Variants in PCDHGA4 observed in about 807,000 individuals in gnomAD.
PCDHGA4 encodes the protein protocadherin gamma-A4.
Under a neutral mutation model 54.6 loss-of-function variants are expected in PCDHGA4, and 38 were observed. That is an observed-to-expected ratio of 0.70 (90% CI 0.54 to 0.91). The LOEUF (loss-of-function observed/expected upper bound fraction) is 0.91. Among genes scored for constraint, PCDHGA4 ranks in the 40% least tolerant of loss-of-function variants. The pLI, the probability that PCDHGA4 is intolerant of heterozygous loss-of-function variation, is 0.00. For missense variants in PCDHGA4, 1,298 were observed against 1,220.9 expected, an observed-to-expected ratio of 1.06 and a Z score of -0.94; for synonymous variants, 511 against 512.9, an observed-to-expected ratio of 1.00 and a Z score of 0.05.
At chr5:141,366,602 TCCCTCACCGCGGA>T in intron 1 of PCDHGA4, 1 of 1,614,226 alleles carries the variant, frequency 6.2e-7, no homozygotes, top group Admixed American at 1.7e-5. Flanking sequence ...CCACGAGGTC[TCCCTCACCGCGGA>T]CTCGAGGAAG....
chr5:141,446,634 G>A (rs927873152), intron 1 of PCDHGA4, among the ~76,000 whole-genome samples: 6 of 151,928 alleles, frequency 3.9e-5, no homozygotes, highest in Admixed American at 2.6e-4. Context: ...GCACCACCAC[G>A]CCTGGCTAAT....
intron 1 of PCDHGA4, among the ~76,000 whole-genome samples, chr5:141,406,983 A>G (rs997882236): frequency 6.6e-6 from 1 of 152,250 alleles, no homozygotes; most frequent in Non-Finnish European, 1.5e-5. Context: ...AACATTTCAC[A>G]AGACATTTGA....
chr5:141,382,310 C>T (rs1423976376), intron 1 of PCDHGA4, among the ~76,000 whole-genome samples: 1 of 152,178 alleles, frequency 6.6e-6, no homozygotes, highest in African/African-American at 2.4e-5. Flanking sequence ...AATTTATATA[C>T]ACTGATGTAA....
At chr5:141,488,565 C>T (rs1308485284) in intron 1 of PCDHGA4, among the ~76,000 whole-genome samples, 1 of 152,174 alleles carries the variant, frequency 6.6e-6, no homozygotes, top group Non-Finnish European at 1.5e-5. Flanking sequence ...GAGATTTCCG[C>T]AAAGCATTGC....
intron 1 of PCDHGA4, chr5:141,393,977 T>TA: frequency 6.2e-7 from 1 of 1,613,870 alleles, no homozygotes; most frequent in Non-Finnish European, 8.5e-7. Flanking sequence ...ACACACGTGA[T>TA]AATTTACCTT....
At chr5:141,502,093 G>C (rs1037154464) in intron 2 of PCDHGA4, among the ~76,000 whole-genome samples, 27 of 152,112 alleles carry the variant, frequency 1.8e-4, no homozygotes, top group Admixed American at 1.7e-3. Flanking sequence ...AGAACACCTG[G>C]CCTTGACCCT....
chr5:141,388,892 A>G (rs1370408221), intron 1 of PCDHGA4: 1 of 1,613,996 alleles, frequency 6.2e-7, no homozygotes, highest in Non-Finnish European at 8.5e-7. Context: ...TAGAAGTCAT[A>G]GATGAAAATG....
intron 1 of PCDHGA4, chr5:141,377,893 TC>T (rs1774447878): frequency 6.6e-6 from 1 of 152,178 alleles, no homozygotes; most frequent in Admixed American, 6.5e-5. Flanking sequence ...AGGATCCCCC[TC>T]TGTTGCCCAG....
chr5:141,484,002 A>T, intron 1 of PCDHGA4, among the ~76,000 whole-genome samples: 1 of 25,484 alleles, frequency 3.9e-5, no homozygotes, highest in African/African-American at 1.7e-4. Context: ...GGAGGTCTGG[A>T]TGAGGGTGGG....
At chr5:141,508,096 G>A (rs1489615862) in intron 3 of PCDHGA4, 1 of 152,476 alleles carries the variant, frequency 6.6e-6, no homozygotes, top group African/African-American at 2.4e-5. Context: ...CCTTGGCCCT[G>A]GGATGGGGTA....
rs1399844519 is a variant in PCDHGA4 at position 141,477,484 on chromosome 5, A to G, written c.2515-17323A>G. 1.2e-6 allele frequency: 2 copies of G among 1,614,014 alleles called. No homozygotes were observed. The highest frequency in any genetic ancestry group is 1.7e-6 in the Non-Finnish European group (2 of 1,180,006). ...CCGACATCAATGACAACCCTCCACAATCTTCTCAATCTTCCTACGACGTTT... is the reference window on the plus strand; with the variant it reads ...CCGACATCAATGACAACCCTCCACAGTCTTCTCAATCTTCCTACGACGTTT... On this transcript the variant is annotated intron_variant, in intron 1 of 3. Coordinates refer to ENST00000571252, the MANE Select transcript of PCDHGA4 (RefSeq NM_018917.4). This position sits in a 1 kb window ranked among gnomAD's most constrained non-coding sequence, Gnocchi z 4.9.
chr5:141,422,520 G>T, intron 1 of PCDHGA4: 2 of 1,613,946 alleles, frequency 1.2e-6, no homozygotes, highest in Middle Eastern at 1.6e-4. Flanking sequence ...AGGGAAGCCC[G>T]CCTTTGTCTG....
At chr5:141,376,069 G>T (rs897737501) in intron 1 of PCDHGA4, 13 of 1,613,452 alleles carry the variant, frequency 8.1e-6, no homozygotes, top group Non-Finnish European at 1.0e-5. Flanking sequence ...CGCTCACCGT[G>T]GCCGTGGCCG....
chr5:141,419,894 C>G, intron 1 of PCDHGA4: 1 of 1,613,926 alleles, frequency 6.2e-7, no homozygotes, highest in Non-Finnish European at 8.5e-7. Flanking sequence ...CAGCGACCAT[C>G]CCACACCCTC....
intron 1 of PCDHGA4, chr5:141,423,611 C>T: frequency 1.1e-5 from 18 of 1,611,094 alleles, no homozygotes; most frequent in Non-Finnish European, 1.5e-5. Flanking sequence ...CTCTTGATAG[C>T]TGAAGACTCA....
At chr5:141,499,186 T>A (rs1332703037) in intron 2 of PCDHGA4, among the ~76,000 whole-genome samples, 2 of 152,036 alleles carry the variant, frequency 1.3e-5, no homozygotes, top group Non-Finnish European at 2.9e-5. Context: ...AGCAAACCAT[T>A]TCCCCCTTCT....
rs774079222 is a variant in PCDHGA4, at chr5:141,491,314, C to G, written c.2515-3493C>G. On this transcript the variant is annotated intron_variant, in intron 1 of 3. Transcript: ENST00000571252. The surrounding 1 kb of genome is among the most constrained non-coding windows in gnomAD (Gnocchi z 6.9). ...CCCTCCTGAGCGTTCAGACCTTACC[C>G]TTTACCTCATTGTGGCTCTAGCGAC... is the stretch of plus-strand genomic sequence containing the variant. 6 of 1,614,064 alleles carry G rather than the reference C, an allele frequency of 3.7e-6. No individual in the cohort carries two copies. In the South Asian group the frequency reaches 5.5e-5, roughly 15 times the overall value.
chr5:141,495,817 T>G (rs2099764054), intron 2 of PCDHGA4, among the ~76,000 whole-genome samples: 1 of 152,110 alleles, frequency 6.6e-6, no homozygotes, highest in African/African-American at 2.4e-5. Context: ...TAGCGCCTTG[T>G]GTTCTTCTAT....
chr5:141,419,610 C>T (rs779657777), intron 1 of PCDHGA4: 162 of 1,612,012 alleles, frequency 1.0e-4, no homozygotes, highest in Non-Finnish European at 1.3e-4. Flanking sequence ...GCCGCGCAGC[C>T]AGGCTACCTG....
Sources: gnomAD v4.1 joint callset for allele counts (sites outside exome capture counted in the v4.1 genomes callset) on GRCh38, gnomAD v4.1.1 for gene constraint, Gnocchi (gnomAD v3.1) non-coding constraint, MANE v1.5 for transcripts, NCBI Gene and HGNC (gene_info 2026-07-23, HGNC 2026-07-21) for gene names.